Variants in HERC2 observed in about 807,000 individuals in gnomAD.
The protein encoded by HERC2 is HECT and RLD domain containing E3 ubiquitin protein ligase 2.
HERC2 carries 102 observed loss-of-function variants against 537.7 expected under a neutral mutation model. The observed-to-expected ratio is 0.19, with a 90% confidence interval of 0.16 to 0.22. The LOEUF (loss-of-function observed/expected upper bound fraction) is 0.22, where lower values mean the gene tolerates loss of function less well. Among genes scored for constraint, HERC2 ranks in the 10% least tolerant of loss-of-function variants. The pLI, the probability that HERC2 is intolerant of heterozygous loss-of-function variation, is 1.00. For synonymous variants in HERC2, 2,224 were observed against 2,466.2 expected, an observed-to-expected ratio of 0.90 and a Z score of 2.91; for missense variants, 4,236 against 6,198.2, an observed-to-expected ratio of 0.68 and a Z score of 10.63.
In HERC2 at chr15:28,265,780, C is replaced by T. The variant is rs1447113516; in HGVS notation, c.1756+37G>A. On this transcript the variant is annotated intron_variant, in intron 13 of 92. Transcript: ENST00000261609. This position sits in a 1 kb window ranked among gnomAD's most constrained non-coding sequence, Gnocchi z 4.0. ...TACTAAGTCCTGTAAGAGGCCACCT[C>T]CTGCTGCATGCTCCCACTCATGCAG... The T allele has an allele frequency of 1.7e-5, 27 of 1,613,998 alleles. No homozygotes were observed. Among genetic ancestry groups the T allele is most frequent in the Non-Finnish European group, 2.2e-5 (26 of 1,179,970 alleles).
In HERC2 at chr15:28,210,894, T is replaced by C; in HGVS notation, c.7069+108A>G. 1.9e-6 allele frequency: 2 copies of C among 1,076,706 alleles called. 1 individual carries two copies. Among genetic ancestry groups the C allele is most frequent in the Non-Finnish European group, 2.9e-6 (2 of 696,842 alleles). 66.7% of individuals were successfully genotyped at this position (1,076,706 alleles called of 1,614,324 possible). The stretch of plus-strand genomic sequence containing the variant: ...CTGGGCAGGCCACATGTCTGTCTTG[T>C]ACATTTATAAGCCACCTATGTCCAT... On this transcript the variant is annotated intron_variant, in intron 44 of 92. Coordinates refer to ENST00000261609, the MANE Select transcript of HERC2 (RefSeq NM_004667.6).
chr15:28,276,192 CAAAAAAAAAAA>C (rs11359639), intron 5 of HERC2, among the ~76,000 whole-genome samples: 4 of 70,106 alleles, frequency 5.7e-5, no homozygotes, highest in Non-Finnish European at 7.8e-5. Flanking sequence ...TCTCAAAAAA[CAAAAAAAAAAA>C]AAAAAAAAAA....
intron 4 of HERC2, among the ~76,000 whole-genome samples, chr15:28,291,514 G>C (rs2076311406): frequency 6.6e-6 from 1 of 152,156 alleles, no homozygotes; most frequent in Non-Finnish European, 1.5e-5. Context: ...AACTGGGGTG[G>C]GCAGTCAGGT....
chr15:28,232,128 A>T (rs1901926549), intron 30 of HERC2, among the ~76,000 whole-genome samples: 1 of 152,234 alleles, frequency 6.6e-6, no homozygotes, highest in Admixed American at 6.5e-5. Flanking sequence ...CAATCAAATT[A>T]GGATGGCTTC....
Position 28,295,096 on chromosome 15 carries a change from C to T in HERC2, c.188-2074G>A, listed in dbSNP as rs1428663527. 3.9e-5 allele frequency among the ~76,000 whole-genome samples: 6 copies of T among 152,038 alleles called. No individual in the cohort carries two copies. The South Asian group carries it at 1.0e-3, about 26-fold the overall frequency. On this transcript the variant is annotated intron_variant, in intron 3 of 92. Coordinates refer to ENST00000261609, the MANE Select transcript of HERC2 (RefSeq NM_004667.6). ...CACTAGACTTGTTAGAATGGCTCAACTAAAAAACACTGATAACACCAAGTG... is the reference window on the plus strand; with the variant it reads ...CACTAGACTTGTTAGAATGGCTCAATTAAAAAACACTGATAACACCAAGTG...
At chr15:28,306,442 T>C (rs910366804) in intron 2 of HERC2, among the ~76,000 whole-genome samples, 1 of 152,268 alleles carries the variant, frequency 6.6e-6, no homozygotes, top group African/African-American at 2.4e-5. Context: ...TGATGAATGA[T>C]GTTTTTAATG....
Position 28,113,064 on chromosome 15 carries a change from A to T in HERC2, c.14232+7T>A, listed in dbSNP as rs1269640924. 6.2e-7 allele frequency: 1 copy of T among 1,611,564 alleles called. No homozygotes were observed. The highest frequency in any genetic ancestry group is 1.1e-5 in the South Asian group (1 of 91,004). On this transcript the variant is annotated splice_region_variant and intron_variant, in intron 92 of 92. Coordinates refer to ENST00000261609, the MANE Select transcript of HERC2 (RefSeq NM_004667.6). The surrounding 1 kb of genome is among the most constrained non-coding windows in gnomAD (Gnocchi z 7.0). ...CCCAGGGCCGGCAAGCCCAGCCAGG[A>T]GCCTACCTGGATGACGAAGTCTCGG...
intron 45 of HERC2, chr15:28,203,728 C>T (rs1898118169): frequency 6.6e-6 from 1 of 152,112 alleles, no homozygotes; most frequent in South Asian, 2.1e-4. Flanking sequence ...AGGGAAAGCC[C>T]GCCTGAGAAA....
chr15:28,230,968 G>GA (rs922162619), intron 30 of HERC2, among the ~76,000 whole-genome samples: 2,967 of 142,426 alleles, frequency 0.021, 95 homozygotes, highest in African/African-American at 0.071. Context: ...ATTTCAAACT[G>GA]AAAAAAAAAA....
Position 28,114,497 on chromosome 15 carries a change from C to T in HERC2, c.13913+115G>A, listed in dbSNP as rs1888005210. The T allele has an allele frequency of 3.4e-6, 3 of 888,792 alleles. No individual in the cohort carries two copies. The Admixed American group carries it at 6.9e-5, about 20-fold the overall frequency. 55.1% of individuals were successfully genotyped at this position (888,792 alleles called of 1,614,324 possible). On this transcript the variant is annotated intron_variant, in intron 90 of 92. Coordinates refer to ENST00000261609, the MANE Select transcript of HERC2 (RefSeq NM_004667.6). The stretch of plus-strand genomic sequence containing the variant: ...ACCCACAGATCAGCAATAGTTGGAG[C>T]CAAATCCATTACTTTACTGTGTATG...
chr15:28,235,758 A>G (rs1902369287), intron 26 of HERC2, among the ~76,000 whole-genome samples: 1 of 152,140 alleles, frequency 6.6e-6, no homozygotes, highest in African/African-American at 2.4e-5. Context: ...GCTCATCAAC[A>G]AGAAGCAGCT....
rs767454979 is a variant in HERC2, at chr15:28,236,992, G to A, written c.3974C>T (p.Pro1325Leu). ...ACATTCAATCTCGACAGGAGACAGC[G>A]GTGTGCTCATTGCCAAATACGAAGC... ...LHASYLAMST[P>L]LSPVEIECAK... Residue 1325 changes from proline to leucine, a missense_variant, in exon 26 of 93, where the codon CCG becomes CTG. Pro to Leu is a moderately conservative substitution (Grantham distance 98). Around this residue, in one of 27 missense-constraint regions of HERC2, gnomAD observed 754 missense variants for 1,085.0 expected, o/e 0.69. Transcript: ENST00000261609. The A allele has an allele frequency of 2.2e-5, 35 of 1,611,748 alleles. No homozygotes were observed. The highest frequency in any genetic ancestry group is 6.7e-5 in the African/African-American group (5 of 74,840).
intron 26 of HERC2, 30 bp downstream of exon 26, chr15:28,236,933 C>T (rs1902523432): frequency 6.2e-7 from 1 of 1,606,306 alleles, no homozygotes; most frequent in Non-Finnish European, 8.5e-7. Context: ...AAATAATCTG[C>T]TGATCAGCAA....
chr15:28,176,865 G>T lies in HERC2; in HGVS notation c.9432+85C>A. ...AAGCCAACCATGCACACATCTTTAT[G>T]AACTTTCCTAGACTTGAAGCTTATT... is the stretch of plus-strand genomic sequence containing the variant. On this transcript the variant is annotated intron_variant, in intron 61 of 92. Transcript: ENST00000261609. This position sits in a 1 kb window ranked among gnomAD's most constrained non-coding sequence, Gnocchi z 5.0. 1 of 1,578,996 alleles carries T rather than the reference G, an allele frequency of 6.3e-7. No individual in the cohort carries two copies. Among genetic ancestry groups the T allele is most frequent in the South Asian group, 1.1e-5 (1 of 89,354 alleles).
At chr15:28,118,962 T>C (rs1219959561) in intron 86 of HERC2, among the ~76,000 whole-genome samples, 1 of 152,184 alleles carries the variant, frequency 6.6e-6, no homozygotes, top group South Asian at 2.1e-4. Flanking sequence ...GAAGGGTGTT[T>C]ATCTGATTCT....
intron 65 of HERC2, among the ~76,000 whole-genome samples, chr15:28,173,113 T>C (rs954094386): frequency 2.6e-5 from 4 of 152,126 alleles, no homozygotes; most frequent in Non-Finnish European, 5.9e-5. Flanking sequence ...TTGACAAAAA[T>C]GTGGAGGATG....
rs761645402 is a variant in HERC2 at position 28,168,559 on chromosome 15, C to T, written c.10261G>A (p.Ala3421Thr). The T allele has an allele frequency of 1.3e-5, 21 of 1,613,882 alleles. No individual in the cohort carries two copies. The highest frequency in any genetic ancestry group is 6.6e-5 in the South Asian group (6 of 91,050). Residue 3421 changes from alanine (A) to threonine (T), a missense_variant, in exon 67 of 93, where the codon GCC becomes ACC. Coordinates refer to ENST00000261609, the MANE Select transcript of HERC2 (RefSeq NM_004667.6). ...GGGCACTCCACCGGGGCGATCATGG[C>T]GGCCGGCATCAGGGCCCCGACAACA... ...DAVVGALMPAAMIAPVECPSF... is the reference protein window; with the variant it reads ...DAVVGALMPATMIAPVECPSF...
At chr15:28,315,093 C>A (rs1266703237) in intron 2 of HERC2, among the ~76,000 whole-genome samples, 4 of 152,298 alleles carry the variant, frequency 2.6e-5, no homozygotes, top group African/African-American at 9.6e-5. Context: ...GCAAATACAA[C>A]CAATTGTTCA....
At chr15:28,147,898 G>A (rs1378789713) in intron 70 of HERC2, among the ~76,000 whole-genome samples, 2 of 151,948 alleles carry the variant, frequency 1.3e-5, no homozygotes, top group Admixed American at 1.3e-4. Context: ...TTAGCCAAGT[G>A]TGGCAGCACA....
Sources: gnomAD v4.1 joint callset for allele counts (sites outside exome capture counted in the v4.1 genomes callset) on GRCh38, gnomAD v4.1.1 for gene constraint, gnomAD v4.1.1 regional missense constraint, Gnocchi (gnomAD v3.1) non-coding constraint, MANE v1.5 for transcripts, NCBI Gene and HGNC (gene_info 2026-07-23, HGNC 2026-07-21) for gene names.